Variants in SYK observed in about 807,000 individuals in gnomAD.
The protein encoded by SYK is spleen associated tyrosine kinase.
SYK carries 16 observed loss-of-function variants against 77.8 expected under a neutral mutation model. The ratio of observed to expected loss-of-function variants is 0.21; its 90% CI spans 0.14 to 0.31. The LOEUF is 0.31. Ranked by LOEUF, SYK falls within the 10% of genes least tolerant of loss-of-function variation. The pLI, the probability that SYK is intolerant of heterozygous loss-of-function variation, is 1.00. For synonymous variants in SYK, 312 were observed against 308.7 expected (o/e 1.01, Z -0.11); for missense variants, 529 against 814.4 (o/e 0.65, Z 4.26).
At chr9:90,816,204 C>T (rs900077914) in intron 1 of SYK, among the ~76,000 whole-genome samples, 1 of 152,198 alleles carries the variant, frequency 6.6e-6, no homozygotes, top group African/African-American at 2.4e-5. Flanking sequence ...CTGTACTGGG[C>T]TGGGCATTGG....
chr9:90,881,800 T>G (rs1828169395), intron 11 of SYK, among the ~76,000 whole-genome samples: 2 of 152,100 alleles, frequency 1.3e-5, no homozygotes, highest in Non-Finnish European at 2.9e-5. Flanking sequence ...GCATCACAAC[T>G]GAAAAACACA....
rs200612476 is a variant in SYK, at chr9:90,895,544, G to A, written c.1852G>A (p.Gly618Arg). ...CWTYDVENRP[G>R]FAAVELRLRN... ...CCATTCCAGTGTGGAAAACAGGCCC[G>A]GATTCGCAGCAGTGGAACTGCGGCT... The change falls in exon 14 of 14, where the codon GGA becomes AGA. Residue 618 changes from glycine to arginine, a missense_variant. Around this residue, in one of 2 missense-constraint regions of SYK, gnomAD observed 208 missense variants for 381.3 expected, o/e 0.55. Transcript: ENST00000375754. The surrounding 1 kb of genome is among the most constrained non-coding windows in gnomAD (Gnocchi z 4.4). 3.1e-5 allele frequency: 50 copies of A among 1,613,986 alleles called. No homozygotes were observed. The African/African-American group carries it at 3.3e-4, about 11-fold the overall frequency.
At chr9:90,815,373 C>T (rs985125387) in intron 1 of SYK, among the ~76,000 whole-genome samples, 1 of 152,208 alleles carries the variant, frequency 6.6e-6, no homozygotes, top group Non-Finnish European at 1.5e-5. Context: ...GCCACTGGCC[C>T]CTCGGCTCCA....
intron 1 of SYK, among the ~76,000 whole-genome samples, chr9:90,832,451 T>C (rs1825929925): frequency 1.3e-5 from 2 of 152,232 alleles, no homozygotes; most frequent in Non-Finnish European, 1.5e-5. Context: ...CCTTGCAGGG[T>C]TTGGGCAGCT....
chr9:90,874,835 C>T lies in SYK; in HGVS notation c.1167C>T (p.Tyr389=), dbSNP rs1389945044. 1.9e-6 allele frequency: 3 copies of T among 1,614,008 alleles called. No homozygotes were observed. Among genetic ancestry groups the T allele is most frequent in the Non-Finnish European group, 2.5e-6 (3 of 1,179,942 alleles). The change falls in exon 9 of 14, where the codon TAC becomes TAT. Residue 389 remains tyrosine (Y), a synonymous_variant. Coordinates refer to ENST00000375754, the MANE Select transcript of SYK (RefSeq NM_003177.7). ...SGNFGTVKKG[Y]YQMKKVVKTV... Reference sequence around the variant, plus strand: ...ATTTTGGAACTGTGAAAAAGGGCTACTACCAAATGAAAAAGTAAGTTGCTA... The same window carrying T: ...ATTTTGGAACTGTGAAAAAGGGCTATTACCAAATGAAAAAGTAAGTTGCTA...
rs34203790 is a variant in SYK at position 90,859,994 on chromosome 9, C to CTT, written c.579-2206_579-2205dup. Among the ~76,000 whole-genome samples, 11 of 152,118 alleles carry CTT rather than the reference C, an allele frequency of 7.2e-5. 2 individuals are homozygous for CTT. Among genetic ancestry groups the CTT allele is most frequent in the African/African-American group, 2.2e-4 (9 of 41,474 alleles). ...TTCAGATCCCATTTATTACTACTAT[C>CTT]TTTTTTTCTGGAGAGATGGCGTCTC... On this transcript the variant is annotated intron_variant, in intron 3 of 13. Transcript: ENST00000375754.
At chr9:90,842,784 T>A (rs1587848969) in intron 1 of SYK, among the ~76,000 whole-genome samples, 2 of 143,234 alleles carry the variant, frequency 1.4e-5, no homozygotes. Flanking sequence ...TGTGTGTGTG[T>A]GTGTGTGTGT....
chr9:90,822,051 G>A (rs1018550953), intron 1 of SYK, among the ~76,000 whole-genome samples: 1 of 151,822 alleles, frequency 6.6e-6, no homozygotes, highest in Non-Finnish European at 1.5e-5. Context: ...AGGCTCTCAG[G>A]CACATAACCC....
intron 1 of SYK, among the ~76,000 whole-genome samples, chr9:90,808,394 A>G (rs1224139793): frequency 6.7e-6 from 1 of 150,062 alleles, no homozygotes; most frequent in Non-Finnish European, 1.5e-5. Flanking sequence ...ATCTGCTTGC[A>G]TGCTTGGTGC....
rs530281820 is a variant in SYK, at chr9:90,846,815, A to G, written c.578+1221A>G. On this transcript the variant is annotated intron_variant, in intron 3 of 13. Coordinates refer to ENST00000375754, the MANE Select transcript of SYK (RefSeq NM_003177.7). The stretch of plus-strand genomic sequence containing the variant: ...CAGCCAGCAGCAGAATGCTGTGGGG[A>G]GGGAAGACATTGCCCCTCAGTGGAG... Among the ~76,000 whole-genome samples, 3 of 151,510 alleles carry G rather than the reference A, an allele frequency of 2.0e-5. No homozygotes were observed. The South Asian group carries it at 6.3e-4, about 32-fold the overall frequency.
chr9:90,861,526 C>T (rs1273534728), intron 3 of SYK, among the ~76,000 whole-genome samples: 2 of 36,100 alleles, frequency 5.5e-5, no homozygotes, highest in Non-Finnish European at 8.9e-5. Context: ...CTTGGAAGTC[C>T]AGCCCTGCCT....
intron 11 of SYK, among the ~76,000 whole-genome samples, chr9:90,880,045 A>C (rs1467874079): frequency 6.6e-6 from 1 of 152,262 alleles, no homozygotes; most frequent in African/African-American, 2.4e-5. Flanking sequence ...GCAGGTTAAC[A>C]ACCCTGCTAG....
chr9:90,861,818 A>C (rs1429719652), intron 3 of SYK, among the ~76,000 whole-genome samples: 1 of 152,202 alleles, frequency 6.6e-6, no homozygotes, highest in Non-Finnish European at 1.5e-5. Context: ...GTGAGTCCAC[A>C]GTGCTCCACA....
chr9:90,828,670 CTT>C (rs1825768268), intron 1 of SYK, among the ~76,000 whole-genome samples: 1 of 152,218 alleles, frequency 6.6e-6, no homozygotes, highest in South Asian at 2.1e-4. Context: ...AGCTAGCTCT[CTT>C]TTTAATTACC....
chr9:90,810,704 ATACT>A (rs1346538724), intron 1 of SYK, among the ~76,000 whole-genome samples: 1 of 152,260 alleles, frequency 6.6e-6, no homozygotes, highest in Non-Finnish European at 1.5e-5. Context: ...GCACATTAAA[ATACT>A]TACGGTAAAG....
rs150114681 is a variant in SYK at position 90,807,546 on chromosome 9, A to G, written c.-42+5653A>G. ...AGTGCTCGGTACCTGGTATGTGGTT[A>G]AAACTGACATAACTGTCAGAGCCTC... On this transcript the variant is annotated intron_variant, in intron 1 of 13. Transcript: ENST00000375754. Among the ~76,000 whole-genome samples, 117 of 152,280 alleles carry G rather than the reference A, an allele frequency of 7.7e-4. 2 individuals carry two copies. The East Asian group carries it at 0.02, about 26-fold the overall frequency.
intron 13 of SYK, among the ~76,000 whole-genome samples, chr9:90,889,170 T>A (rs1382240758): frequency 1.3e-5 from 2 of 152,194 alleles, no homozygotes; most frequent in Non-Finnish European, 2.9e-5. Flanking sequence ...CCAGGTGCTG[T>A]TATGCTTTTA....
At chr9:90,880,852 G>C (rs79509720) in intron 11 of SYK, among the ~76,000 whole-genome samples, 2 of 152,218 alleles carry the variant, frequency 1.3e-5, no homozygotes, top group Non-Finnish European at 2.9e-5. Flanking sequence ...TGAGCAGCTG[G>C]TTAGACACAG....
chr9:90,811,886 A>G (rs149349736), intron 1 of SYK, among the ~76,000 whole-genome samples: 6 of 150,522 alleles, frequency 4.0e-5, no homozygotes. Context: ...AGATCATGCC[A>G]CTGCACACCA....
Sources: allele counts gnomAD v4.1 joint callset (sites outside exome capture counted in the v4.1 genomes callset), GRCh38; gene constraint gnomAD v4.1.1; regional missense constraint gnomAD v4.1.1; non-coding constraint Gnocchi (gnomAD v3.1); transcripts MANE v1.5; gene names NCBI Gene and HGNC (gene_info 2026-07-23, HGNC 2026-07-21).